The following SLC24A2 variants were observed in gnomAD, a reference collection of about 807,000 sequenced individuals.
SLC24A2 encodes the protein sodium/potassium/calcium exchanger 2.
A neutral mutation model predicts 62.0 loss-of-function variants in SLC24A2; 36 were observed. That is an observed-to-expected ratio of 0.58 (90% CI 0.44 to 0.77). The LOEUF (loss-of-function observed/expected upper bound fraction) is 0.77, where lower values mean the gene tolerates loss of function less well. SLC24A2 is among the 30% of genes least tolerant of loss of function. The pLI, the probability that SLC24A2 is intolerant of heterozygous loss-of-function variation, is 0.00. For synonymous variants in SLC24A2, 358 were observed against 294.0 expected, an observed-to-expected ratio of 1.22 and a Z score of -2.23; for missense variants, 846 against 817.9, an observed-to-expected ratio of 1.03 and a Z score of -0.42.
chr9:20,212,684 G>A, the SLC24A2 span, among the ~76,000 whole-genome samples: 3 of 151,246 alleles, frequency 2.0e-5, no homozygotes, highest in Admixed American at 1.3e-4. Flanking sequence ...ATAAGTATGA[G>A]TGATTTACTA....
chr9:19,941,013 G>A, the SLC24A2 span, among the ~76,000 whole-genome samples: 32 of 152,316 alleles, frequency 2.1e-4, 1 homozygote, highest in African/African-American at 7.0e-4. Flanking sequence ...AGAGGTCAAT[G>A]GCTTTAAGCC....
At chr9:20,287,999 C>CT in the SLC24A2 span, among the ~76,000 whole-genome samples, 67 of 144,340 alleles carry the variant, frequency 4.6e-4, 2 homozygotes, top group Middle Eastern at 0.01. Flanking sequence ...AACACTTTCT[C>CT]TTTTTTTTGG....
At position 19,510,133 on chromosome 9, in the gene SLC24A2, T is replaced by C. The variant is rs1832662254; in HGVS notation, c.*6020A>G. ...TTGTGAGTCTGAGATTATGACCTAA[T>C]GACCTTAAAAGCAGTTTGTGACCTT... On this transcript the variant is annotated 3_prime_UTR_variant, in exon 11 of 11. Coordinates refer to ENST00000341998, the MANE Select transcript of SLC24A2 (RefSeq NM_020344.4). 6.6e-6 allele frequency: 1 copy of C among 152,184 alleles called. No homozygotes were observed. The highest frequency in any genetic ancestry group is 2.4e-5 in the African/African-American group (1 of 41,450). 9.4% of individuals were successfully genotyped at this position (152,184 alleles called of 1,614,324 possible).
intron 8 of SLC24A2, among the ~76,000 whole-genome samples, chr9:19,549,872 T>C (rs1406538182): frequency 6.6e-6 from 1 of 152,230 alleles, no homozygotes; most frequent in Non-Finnish European, 1.5e-5. Flanking sequence ...GGTAGTTTGT[T>C]ATGCAGATTT....
the SLC24A2 span, among the ~76,000 whole-genome samples, chr9:19,852,547 G>C: frequency 0.058 from 8,775 of 152,202 alleles, 350 homozygotes; most frequent in African/African-American, 0.1. Context: ...CAGCTAGCCA[G>C]CTCTCCCAGA....
intron 9 of SLC24A2, 37 bp from the exon 10 acceptor site, chr9:19,521,097 G>C: frequency 6.2e-7 from 1 of 1,604,872 alleles, no homozygotes; most frequent in Non-Finnish European, 8.5e-7. Flanking sequence ...CTCAGTGTTT[G>C]AAGTTACAAA....
the SLC24A2 span, among the ~76,000 whole-genome samples, chr9:20,002,522 T>C: frequency 6.6e-6 from 1 of 152,128 alleles, no homozygotes; most frequent in East Asian, 1.9e-4. Context: ...GGTACCCTTA[T>C]TAGACCCATT....
chr9:20,052,535 G>C, the SLC24A2 span, among the ~76,000 whole-genome samples: 1 of 152,040 alleles, frequency 6.6e-6, no homozygotes, highest in Non-Finnish European at 1.5e-5. Flanking sequence ...TTTTCCATGG[G>C]TTTTCTTTTT....
intron 2 of SLC24A2, among the ~76,000 whole-genome samples, chr9:19,765,404 C>T (rs1280391623): frequency 6.6e-6 from 1 of 152,134 alleles, no homozygotes; most frequent in Non-Finnish European, 1.5e-5. Context: ...ATGGTCTTTA[C>T]ATTTTGGTTT....
At chr9:20,093,024 T>G in the SLC24A2 span, among the ~76,000 whole-genome samples, 1 of 152,138 alleles carries the variant, frequency 6.6e-6, no homozygotes, top group South Asian at 2.1e-4. Context: ...TGAATTGTAT[T>G]TATATAATAT....
At chr9:20,039,734 T>G in the SLC24A2 span, among the ~76,000 whole-genome samples, 1 of 152,058 alleles carries the variant, frequency 6.6e-6, no homozygotes, top group South Asian at 2.1e-4. Flanking sequence ...AATTGGAGAA[T>G]GAGGTAGGAA....
chr9:19,690,084 C>T (rs1404855137), intron 2 of SLC24A2, among the ~76,000 whole-genome samples: 1 of 152,118 alleles, frequency 6.6e-6, no homozygotes, highest in Non-Finnish European at 1.5e-5. Flanking sequence ...GATGCCAGAT[C>T]ATGTGATTTC....
intron 2 of SLC24A2, among the ~76,000 whole-genome samples, chr9:19,780,896 G>C (rs1484293951): frequency 7.1e-6 from 1 of 140,392 alleles, no homozygotes; most frequent in African/African-American, 2.7e-5. Flanking sequence ...AAAAAAAAGA[G>C]TGTATACATT....
the SLC24A2 span, among the ~76,000 whole-genome samples, chr9:20,045,505 T>C: frequency 1.2e-4 from 19 of 152,186 alleles, no homozygotes; most frequent in East Asian, 7.7e-4. Context: ...AATCTTGGCT[T>C]ACTGCAATCT....
chr9:19,533,614 G>A (rs1833810952), intron 8 of SLC24A2, among the ~76,000 whole-genome samples: 2 of 152,198 alleles, frequency 1.3e-5, no homozygotes. Flanking sequence ...AGTATGTGGA[G>A]CAGAGACAAG....
chr9:20,138,269 T>G, the SLC24A2 span, among the ~76,000 whole-genome samples: 2 of 152,228 alleles, frequency 1.3e-5, no homozygotes, highest in Non-Finnish European at 2.9e-5. Context: ...TCAATAAAAC[T>G]GCCAAATGTG....
the SLC24A2 span, among the ~76,000 whole-genome samples, chr9:19,865,587 C>G: frequency 3.9e-5 from 6 of 152,044 alleles, no homozygotes; most frequent in Non-Finnish European, 7.4e-5. Flanking sequence ...GTGCCAAGAA[C>G]ATACACTGGG....
chr9:19,819,341 A>C, the SLC24A2 span, among the ~76,000 whole-genome samples: 1 of 152,090 alleles, frequency 6.6e-6, no homozygotes, highest in South Asian at 2.1e-4. Flanking sequence ...AAGCAAAGAT[A>C]ATAGCTGGGA....
chr9:20,241,316 A>T, the SLC24A2 span, among the ~76,000 whole-genome samples: 11 of 152,338 alleles, frequency 7.2e-5, no homozygotes, highest in South Asian at 2.3e-3. Flanking sequence ...TAAAATAAGC[A>T]CAATACAAAT....
Sources: allele counts gnomAD v4.1 joint callset (sites outside exome capture counted in the v4.1 genomes callset), GRCh38; gene constraint gnomAD v4.1.1; transcripts MANE v1.5; gene names NCBI Gene and HGNC (gene_info 2026-07-23, HGNC 2026-07-21).